Variants in CORO7 observed in about 807,000 individuals in gnomAD.
CORO7 encodes coronin-7.
CORO7 carries 107 observed loss-of-function variants against 126.6 expected under a neutral mutation model. The ratio of observed to expected loss-of-function variants is 0.85; its 90% confidence interval spans 0.72 to 0.99. The LOEUF (loss-of-function observed/expected upper bound fraction) is 0.99, where lower values mean the gene tolerates loss of function less well. Among genes scored for constraint, CORO7 ranks in the 50% least tolerant of loss-of-function variants. The pLI, the probability that CORO7 is intolerant of heterozygous loss-of-function variation, is 0.00. For missense variants in CORO7, 1,314 were observed against 1,255.8 expected (o/e 1.05, Z -0.70); for synonymous variants, 603 against 536.8 (o/e 1.12, Z -1.70).
rs1266163802 is a variant in CORO7 at position 4,405,805 on chromosome 16, G to A, written c.488-238C>T. 4.8e-5 allele frequency among the ~76,000 whole-genome samples: 7 copies of A among 145,166 alleles called. No individual in the cohort carries two copies. In the South Asian group the frequency reaches 1.5e-3, roughly 31 times the overall value. On this transcript the variant is annotated intron_variant, in intron 5 of 27. Transcript: ENST00000251166. The stretch of plus-strand genomic sequence containing the variant: ...ACTCAACTACCTTCCGAGGCTTCCC[G>A]CTCCTGGCCTGGCTCTCTCATCCCT...
chr16:4,365,469 G>A, intron 10 of CORO7, 22 bp downstream of exon 10: 4 of 1,557,226 alleles, frequency 2.6e-6, no homozygotes, highest in Non-Finnish European at 3.5e-6. Context: ...GATGTGGGTG[G>A]GAGCCCCAGC....
intron 1 of CORO7, among the ~76,000 whole-genome samples, chr16:4,416,169 C>G (rs1189547738): frequency 6.6e-6 from 1 of 152,114 alleles, no homozygotes; most frequent in Non-Finnish European, 1.5e-5. Flanking sequence ...GCCTGGGCCC[C>G]GGCTAGGAGG....
intron 3 of CORO7, among the ~76,000 whole-genome samples, chr16:4,410,288 G>A (rs906928026): frequency 6.6e-6 from 1 of 152,088 alleles, no homozygotes; most frequent in East Asian, 1.9e-4. Context: ...AGCTGGGCAT[G>A]GTGGTGTGTG....
chr16:4,382,843 A>G lies in CORO7; in HGVS notation c.785+5143T>C, dbSNP rs773308764. 4 of 1,594,876 alleles carry G rather than the reference A, an allele frequency of 2.5e-6. No individual in the cohort carries two copies. The highest frequency in any genetic ancestry group is 1.8e-5 in the Admixed American group (1 of 57,130). ...CGGGTCTGAGTGTGAGGTGCCACTC[A>G]TGGGCTTCCCAGGGCCTGGCCTCCA... On this transcript the variant is annotated intron_variant, in intron 9 of 27. Transcript: ENST00000251166.
chr16:4,393,073 A>G (rs1240696476), intron 7 of CORO7, among the ~76,000 whole-genome samples: 1 of 152,208 alleles, frequency 6.6e-6, no homozygotes, highest in African/African-American at 2.4e-5. Flanking sequence ...AGGAGGAGGA[A>G]GGCTGGAAAG....
chr16:4,378,858 G>T (rs541869470), intron 9 of CORO7, among the ~76,000 whole-genome samples: 39 of 152,158 alleles, frequency 2.6e-4, no homozygotes, highest in African/African-American at 8.4e-4. Flanking sequence ...GCCTCTGAAG[G>T]GTGCTTGTTG....
Position 4,360,378 on chromosome 16 carries a change from C to G in CORO7, c.2023-15G>C. The G allele has an allele frequency of 6.2e-7, 1 of 1,613,484 alleles. No homozygotes were observed. Among genetic ancestry groups the G allele is most frequent in the East Asian group, 2.2e-5 (1 of 44,854 alleles). ...CCTGGGCCTTCCTGTTGAGATACAT[C>G]GCGTGACACCCAGCCAGCACCCCTG... On this transcript the variant is annotated splice_polypyrimidine_tract_variant and intron_variant, in intron 20 of 27. Coordinates refer to ENST00000251166, the MANE Select transcript of CORO7 (RefSeq NM_024535.5).
intron 26 of CORO7, among the ~76,000 whole-genome samples, chr16:4,356,056 C>T (rs189789563): frequency 4.1e-3 from 630 of 152,126 alleles, no homozygotes; most frequent in Non-Finnish European, 6.4e-3. Flanking sequence ...TGGGTTCAAG[C>T]GATTCTCCTG....
rs563504418 is a variant in CORO7 at position 4,380,808 on chromosome 16, G to A, written c.785+7178C>T. 1.7e-5 allele frequency: 24 copies of A among 1,411,292 alleles called. No homozygotes were observed. The Admixed American group carries it at 2.0e-4, about 12-fold the overall frequency. 87.4% of individuals were successfully genotyped at this position (1,411,292 alleles called of 1,614,324 possible). A position where few individuals can be genotyped will look rare whatever the true frequency, so the allele number is the denominator to read the frequency against. On this transcript the variant is annotated intron_variant, in intron 9 of 27. Coordinates refer to ENST00000251166, the MANE Select transcript of CORO7 (RefSeq NM_024535.5). ...TGAATTCCCTCTGGCTCTTCCTGGC[G>A]TGTCTGCCTTCTAGGCCCCTGACTC...
intron 9 of CORO7, chr16:4,382,214 G>T: frequency 6.2e-7 from 1 of 1,604,634 alleles, no homozygotes; most frequent in Non-Finnish European, 8.5e-7. Flanking sequence ...AGCCAGATGG[G>T]GCAGGGGACA....
intron 7 of CORO7, among the ~76,000 whole-genome samples, chr16:4,392,181 T>C (rs1596319642): frequency 6.6e-6 from 1 of 151,932 alleles, no homozygotes; most frequent in Admixed American, 6.5e-5. Context: ...CGACACTCAT[T>C]TGGGGCTGCC....
intron 26 of CORO7, among the ~76,000 whole-genome samples, chr16:4,356,151 T>C (rs2053970866): frequency 1.3e-5 from 2 of 151,284 alleles, no homozygotes; most frequent in Non-Finnish European, 1.5e-5. Context: ...CGAGGTTTCA[T>C]CATGTTGGTC....
At chr16:4,413,622 C>G in intron 1 of CORO7, 1 of 436,510 alleles carries the variant, frequency 2.3e-6, no homozygotes, top group Admixed American at 4.1e-5. Context: ...ACTGCAATCT[C>G]TGCCTCTTGG....
chr16:4,412,089 A>G (rs2056232476), intron 3 of CORO7, among the ~76,000 whole-genome samples: 1 of 152,056 alleles, frequency 6.6e-6, no homozygotes, highest in South Asian at 2.1e-4. Flanking sequence ...AGCCAGCATC[A>G]GCCTGGAGCC....
At chr16:4,367,114 C>T (rs2054372489) in intron 9 of CORO7, among the ~76,000 whole-genome samples, 1 of 152,206 alleles carries the variant, frequency 6.6e-6, no homozygotes. Context: ...GGGTGGGGCC[C>T]TGGGTGTCTC....
intron 9 of CORO7, among the ~76,000 whole-genome samples, chr16:4,373,997 G>C (rs2054625214): frequency 6.6e-6 from 1 of 152,174 alleles, no homozygotes; most frequent in Non-Finnish European, 1.5e-5. Context: ...CCCTGGGCTG[G>C]GGAGCCCAAG....
In CORO7 at chr16:4,365,036, C is replaced by T. The variant is rs752978607; in HGVS notation, c.865G>A (p.Glu289Lys). The T allele has an allele frequency of 1.3e-5, 21 of 1,604,668 alleles. No homozygotes were observed. The highest frequency in any genetic ancestry group is 8.0e-5 in the African/African-American group (6 of 74,794). Residue 289 changes from glutamate to lysine, a missense_variant, in exon 11 of 28, where the codon GAG becomes AAG. Coordinates refer to ENST00000251166, the MANE Select transcript of CORO7 (RefSeq NM_024535.5). ...GKGERQLYCY[E>K]VVPQQPALSP... is the part of the protein sequence containing the mutation. ...AGCGCCGGCTGCTGCGGGACCACCT[C>T]GTAACAGTACAGCTGCCTCTCGCCC...
chr16:4,407,356 A>G (rs1396963526), intron 5 of CORO7, 145 bp downstream of exon 5: 3 of 941,128 alleles, frequency 3.2e-6, no homozygotes, highest in African/African-American at 3.3e-5. Flanking sequence ...TTACAGCCTC[A>G]TAGAATCTTA....
At chr16:4,386,817 C>G (rs1215477896) in intron 9 of CORO7, among the ~76,000 whole-genome samples, 4 of 152,198 alleles carry the variant, frequency 2.6e-5, no homozygotes, top group African/African-American at 7.2e-5. Flanking sequence ...ACCCCTACCC[C>G]TCCTCTGGGC....
Sources: allele counts gnomAD v4.1 joint callset (sites outside exome capture counted in the v4.1 genomes callset), GRCh38; gene constraint gnomAD v4.1.1; transcripts MANE v1.5; gene names NCBI Gene and HGNC (gene_info 2026-07-23, HGNC 2026-07-21).